The following SGPP1 variants were observed in gnomAD, a reference collection of about 807,000 sequenced individuals.
SGPP1 encodes sphingosine-1-phosphate phosphatase 1, also known as hSPP1.
Under a neutral mutation model 33.0 loss-of-function variants are expected in SGPP1, and 21 were observed. The observed-to-expected ratio is 0.64, with a 90% CI of 0.45 to 0.92. The LOEUF is 0.92. Ranked by LOEUF, SGPP1 falls within the 40% of genes least tolerant of loss-of-function variation. The pLI, the probability that SGPP1 is intolerant of heterozygous loss-of-function variation, is 0.00. For synonymous variants in SGPP1, 239 were observed against 241.2 expected (o/e 0.99, Z 0.08); for missense variants, 543 against 589.4 (o/e 0.92, Z 0.81).
chr14:63,688,840 G>T (rs1447546283), intron 2 of SGPP1, among the ~76,000 whole-genome samples: 1 of 151,640 alleles, frequency 6.6e-6, no homozygotes, highest in Non-Finnish European at 1.5e-5. Flanking sequence ...TCCTGCCTCG[G>T]CCTCCCGAGT....
intron 1 of SGPP1, among the ~76,000 whole-genome samples, chr14:63,699,958 A>G (rs1288061931): frequency 1.3e-5 from 2 of 151,938 alleles, no homozygotes; most frequent in Non-Finnish European, 2.9e-5. Context: ...AGTTACTGAC[A>G]GTCTTACCTT....
intron 1 of SGPP1, among the ~76,000 whole-genome samples, chr14:63,720,533 T>C (rs996870279): frequency 6.6e-6 from 1 of 151,358 alleles, no homozygotes; most frequent in Non-Finnish European, 1.5e-5. Flanking sequence ...TCGAGGCGGG[T>C]GGATCACCTG....
At chr14:63,687,136 G>A (rs901618401) in intron 2 of SGPP1, among the ~76,000 whole-genome samples, 3 of 152,104 alleles carry the variant, frequency 2.0e-5, no homozygotes, top group African/African-American at 7.2e-5. Flanking sequence ...AGGATACATT[G>A]CTTTAAAAAA....
At chr14:63,712,555 T>C (rs1885546320) in intron 1 of SGPP1, among the ~76,000 whole-genome samples, 1 of 152,148 alleles carries the variant, frequency 6.6e-6, no homozygotes, top group Non-Finnish European at 1.5e-5. Flanking sequence ...GCAAATAAAG[T>C]CAGAAAGAGA....
chr14:63,725,711 A>G (rs996735461), intron 1 of SGPP1, among the ~76,000 whole-genome samples: 1 of 152,234 alleles, frequency 6.6e-6, no homozygotes, highest in Non-Finnish European at 1.5e-5. Flanking sequence ...ACTTCCAGTT[A>G]GTATGTGTCC....
intron 1 of SGPP1, among the ~76,000 whole-genome samples, chr14:63,710,817 T>C (rs138885676): frequency 6.6e-6 from 1 of 152,110 alleles, no homozygotes; most frequent in Admixed American, 6.6e-5. Flanking sequence ...TAGAGAGTTA[T>C]AAACTAGGCA....
At chr14:63,724,763 C>T (rs1414495602) in intron 1 of SGPP1, among the ~76,000 whole-genome samples, 2 of 149,328 alleles carry the variant, frequency 1.3e-5, no homozygotes, top group East Asian at 2.0e-4. Flanking sequence ...TTAGTAGAGA[C>T]GGGGTTTCAC....
At chr14:63,687,609 G>T (rs1885005706) in intron 2 of SGPP1, among the ~76,000 whole-genome samples, 1 of 152,156 alleles carries the variant, frequency 6.6e-6, no homozygotes, top group African/African-American at 2.4e-5. Flanking sequence ...GATTCTAAAG[G>T]GAGCCTATAT....
intron 1 of SGPP1, among the ~76,000 whole-genome samples, chr14:63,717,733 T>G (rs1282573028): frequency 6.6e-6 from 1 of 152,140 alleles, no homozygotes; most frequent in Non-Finnish European, 1.5e-5. Flanking sequence ...AACCCATGGA[T>G]TCAAGCTCAA....
chr14:63,691,722 A>T (rs1885097657), intron 2 of SGPP1, among the ~76,000 whole-genome samples: 1 of 152,192 alleles, frequency 6.6e-6, no homozygotes, highest in African/African-American at 2.4e-5. Context: ...AGTATTTTTT[A>T]AAAATCTCCC....
Position 63,727,761 on chromosome 14 carries a change from C to A in SGPP1, c.184G>T (p.Ala62Ser). The A allele has an allele frequency of 6.7e-7, 1 of 1,491,702 alleles. No individual in the cohort carries two copies. The highest frequency in any genetic ancestry group is 8.9e-7 in the Non-Finnish European group (1 of 1,127,398). The allele number at this position is 1,491,702 out of a possible 1,614,324, so 92.4% of individuals were successfully genotyped here. Residue 62 changes from alanine to serine, a missense_variant, in exon 1 of 3, where the codon GCG becomes TCG. By Grantham distance (99) the Ala-to-Ser change is moderately conservative. Transcript: ENST00000247225. ...DPRLRGRQPG[A>S]PGGPQPPGSD... ...CCGGGAGGCTGGGGGCCTCCAGGCG[C>A]CCCTGGCTGCCGCCCTCGCAGTCGA...
chr14:63,725,304 G>A (rs1595075218), intron 1 of SGPP1, among the ~76,000 whole-genome samples: 1 of 151,674 alleles, frequency 6.6e-6, no homozygotes, highest in East Asian at 2.0e-4. Context: ...AACCTGGGAG[G>A]CAGAGGTTGC....
At chr14:63,727,117 A>T in intron 1 of SGPP1, 144 bp downstream of exon 1, 1 of 1,343,170 alleles carries the variant, frequency 7.4e-7, no homozygotes, top group Non-Finnish European at 9.7e-7. Flanking sequence ...AAACCCAGAA[A>T]GGGCCTGTTT....
At chr14:63,688,882 C>T (rs1052987227) in intron 2 of SGPP1, among the ~76,000 whole-genome samples, 3 of 152,042 alleles carry the variant, frequency 2.0e-5, no homozygotes, top group African/African-American at 2.4e-5. Flanking sequence ...CCACCATGCC[C>T]GACTAATTTT....
At chr14:63,718,977 C>CATACATATAT (rs1885689458) in intron 1 of SGPP1, among the ~76,000 whole-genome samples, 1 of 26,960 alleles carries the variant, frequency 3.7e-5, no homozygotes, top group Non-Finnish European at 6.3e-5. Context: ...TATGTATATA[C>CATACATATAT]ATATATATAT....
At chr14:63,708,656 T>G (rs1049250961) in intron 1 of SGPP1, among the ~76,000 whole-genome samples, 1 of 152,198 alleles carries the variant, frequency 6.6e-6, no homozygotes, top group Admixed American at 6.5e-5. Flanking sequence ...AATATGAATT[T>G]ATTATTTACT....
intron 1 of SGPP1, among the ~76,000 whole-genome samples, chr14:63,707,221 C>G (rs954482087): frequency 6.6e-6 from 1 of 151,966 alleles, no homozygotes; most frequent in South Asian, 2.1e-4. Context: ...AGCAACTGAA[C>G]TCACCATATA....
intron 1 of SGPP1, among the ~76,000 whole-genome samples, chr14:63,701,777 G>A (rs1293685377): frequency 4.6e-5 from 7 of 151,898 alleles, no homozygotes; most frequent in African/African-American, 9.7e-5. Context: ...AGAGAGTAAG[G>A]CAAAAACAGG....
intron 1 of SGPP1, among the ~76,000 whole-genome samples, chr14:63,707,535 AT>A (rs113329588): frequency 0.11 from 15,709 of 138,808 alleles, 1,695 homozygotes; most frequent in African/African-American, 0.32. Context: ...TTATCTACTG[AT>A]TTTTTTTTTT....
Sources: gnomAD v4.1 joint callset for allele counts (sites outside exome capture counted in the v4.1 genomes callset) on GRCh38, gnomAD v4.1.1 for gene constraint, MANE v1.5 for transcripts, NCBI Gene and HGNC (gene_info 2026-07-23, HGNC 2026-07-21) for gene names.